The following SLC7A1 variants were observed in gnomAD, a reference collection of about 807,000 sequenced individuals.
SLC7A1 encodes solute carrier family 7 member 1, also known as high affinity cationic amino acid transporter 1.
In SLC7A1, 10 loss-of-function variants were observed where a neutral mutation model predicts 53.9. That is an observed-to-expected ratio of 0.19 (90% CI 0.11 to 0.31). SLC7A1 has a LOEUF of 0.31. Among genes scored for constraint, SLC7A1 ranks in the 10% least tolerant of loss-of-function variants. The pLI, the probability that SLC7A1 is intolerant of heterozygous loss-of-function variation, is 1.00. For synonymous variants in SLC7A1, 342 were observed against 338.7 expected (o/e 1.01, Z -0.11); for missense variants, 525 against 827.2 (o/e 0.63, Z 4.48).
In SLC7A1 at chr13:29,517,335, A is replaced by G. The variant is rs760929842; in HGVS notation, c.1511-25T>C. 4.4e-6 allele frequency: 7 copies of G among 1,590,760 alleles called. No homozygotes were observed. The East Asian group carries it at 1.6e-4, about 36-fold the overall frequency. On this transcript the variant is annotated intron_variant, in intron 10 of 12. Transcript: ENST00000380752. ...GCTAAGGGGGAAGGAAAAGACAGCA[A>G]GCTGCAACTCAACCATTTCCCAATT...
At chr13:29,519,137 C>T (rs770362545) in intron 9 of SLC7A1, among the ~76,000 whole-genome samples, 14 of 152,170 alleles carry the variant, frequency 9.2e-5, no homozygotes, top group Non-Finnish European at 1.5e-4. Flanking sequence ...AAGTTGCAAT[C>T]AGTCTTCAAA....
intron 1 of SLC7A1, among the ~76,000 whole-genome samples, chr13:29,592,978 G>C (rs1259049847): frequency 2.0e-5 from 3 of 152,146 alleles, no homozygotes; most frequent in Admixed American, 2.0e-4. Context: ...CAAGGAGACA[G>C]AGGCTGAAGA....
chr13:29,583,715 T>C (rs1871752856), intron 1 of SLC7A1, among the ~76,000 whole-genome samples: 1 of 152,168 alleles, frequency 6.6e-6, no homozygotes, highest in Non-Finnish European at 1.5e-5. Context: ...CTTTCAGTAA[T>C]TAGGCCTGAA....
chr13:29,577,937 C>T (rs1871478403), intron 1 of SLC7A1, among the ~76,000 whole-genome samples: 1 of 152,162 alleles, frequency 6.6e-6, no homozygotes, highest in Admixed American at 6.5e-5. Flanking sequence ...ACTCCCTCTG[C>T]TTGGGTCAGT....
intron 1 of SLC7A1, among the ~76,000 whole-genome samples, chr13:29,576,348 G>A (rs1203469046): frequency 2.0e-5 from 3 of 148,742 alleles, no homozygotes; most frequent in Non-Finnish European, 4.5e-5. Flanking sequence ...CTGCAGGTAG[G>A]AAGAACCACA....
At chr13:29,561,053 T>G (rs1264017468) in intron 1 of SLC7A1, among the ~76,000 whole-genome samples, 1 of 152,222 alleles carries the variant, frequency 6.6e-6, no homozygotes, top group Non-Finnish European at 1.5e-5. Context: ...TCAACAGTTA[T>G]GTACTGAGTG....
At chr13:29,592,039 C>A (rs886223933) in intron 1 of SLC7A1, among the ~76,000 whole-genome samples, 2 of 152,164 alleles carry the variant, frequency 1.3e-5, no homozygotes, top group East Asian at 3.8e-4. Context: ...GTAAGGTTCA[C>A]GAAGTCTAAA....
intron 1 of SLC7A1, among the ~76,000 whole-genome samples, chr13:29,559,802 G>A (rs925073822): frequency 6.6e-6 from 1 of 150,680 alleles, no homozygotes; most frequent in Non-Finnish European, 1.5e-5. Flanking sequence ...TGCAAGCTCC[G>A]CCTCCCAGGT....
intron 1 of SLC7A1, among the ~76,000 whole-genome samples, chr13:29,565,208 G>C (rs577642357): frequency 6.6e-6 from 1 of 152,344 alleles, no homozygotes; most frequent in South Asian, 2.1e-4. Flanking sequence ...ACCCAAAAGA[G>C]TATAAAATAC....
intron 1 of SLC7A1, among the ~76,000 whole-genome samples, chr13:29,566,948 C>T (rs1186658687): frequency 2.0e-5 from 3 of 152,266 alleles, no homozygotes; most frequent in Admixed American, 6.5e-5. Flanking sequence ...TCTACCACCC[C>T]ACTCCCCTAG....
intron 2 of SLC7A1, among the ~76,000 whole-genome samples, chr13:29,540,408 C>T (rs1237878385): frequency 6.6e-6 from 1 of 152,222 alleles, no homozygotes. Context: ...GGAATTCTAA[C>T]TCTGCATTCT....
intron 1 of SLC7A1, among the ~76,000 whole-genome samples, chr13:29,593,048 A>G (rs1872172900): frequency 6.6e-6 from 1 of 152,164 alleles, no homozygotes; most frequent in African/African-American, 2.4e-5. Flanking sequence ...GGAGGCCAGC[A>G]GCCTGGACGG....
intron 2 of SLC7A1, among the ~76,000 whole-genome samples, chr13:29,544,780 T>G (rs1869833524): frequency 1.1e-5 from 1 of 94,756 alleles, no homozygotes; most frequent in Non-Finnish European, 2.9e-5. Flanking sequence ...GCGAGGGCAG[T>G]GGGGAGAGGG....
rs372200508 is a variant in SLC7A1, at chr13:29,521,220, T to A, written c.1189+1097A>T. Among the ~76,000 whole-genome samples the A allele has an allele frequency of 7.2e-5, 11 of 152,350 alleles. No individual in the cohort carries two copies. The East Asian group carries it at 2.1e-3, about 29-fold the overall frequency. On this transcript the variant is annotated intron_variant, in intron 8 of 12. Coordinates refer to ENST00000380752, the MANE Select transcript of SLC7A1 (RefSeq NM_003045.5). Reference sequence around the variant, plus strand: ...TTCATAATTTAAAAATAGGTGTGTTTTATTATACAATATTAATCCACAAAA... The same window carrying A: ...TTCATAATTTAAAAATAGGTGTGTTATATTATACAATATTAATCCACAAAA...
At chr13:29,584,246 T>C (rs1555294727) in intron 1 of SLC7A1, among the ~76,000 whole-genome samples, 3 of 152,128 alleles carry the variant, frequency 2.0e-5, no homozygotes, top group Non-Finnish European at 4.4e-5. Flanking sequence ...CCCTAGTAGC[T>C]GGGACCCAGC....
At chr13:29,583,045 T>G (rs150373768) in intron 1 of SLC7A1, among the ~76,000 whole-genome samples, 6 of 152,352 alleles carry the variant, frequency 3.9e-5, no homozygotes, top group African/African-American at 1.4e-4. Context: ...TACGCTCCAG[T>G]TAGTCTTATC....
intron 7 of SLC7A1, 139 bp downstream of exon 7, chr13:29,523,127 T>G (rs1244444304): frequency 2.9e-6 from 2 of 701,192 alleles, no homozygotes; most frequent in African/African-American, 1.8e-5. Flanking sequence ...CAAAGCTGGG[T>G]TGGGTACTGG....
intron 2 of SLC7A1, among the ~76,000 whole-genome samples, chr13:29,538,286 A>G (rs1334765769): frequency 6.6e-6 from 1 of 152,136 alleles, no homozygotes; most frequent in African/African-American, 2.4e-5. Flanking sequence ...AGTGGGGCAA[A>G]GTGGGGAGGA....
At chr13:29,547,717 A>G (rs1243839200) in intron 2 of SLC7A1, among the ~76,000 whole-genome samples, 2 of 152,266 alleles carry the variant, frequency 1.3e-5, no homozygotes, top group African/African-American at 4.8e-5. Flanking sequence ...AAAGGAAGGC[A>G]TGAGGGTCCC....
Sources: allele counts gnomAD v4.1 joint callset (sites outside exome capture counted in the v4.1 genomes callset), GRCh38; gene constraint gnomAD v4.1.1; transcripts MANE v1.5; gene names NCBI Gene and HGNC (gene_info 2026-07-23, HGNC 2026-07-21).